TSHZ1: variants seen among roughly 807,000 people sequenced by gnomAD.
The protein encoded by TSHZ1 is teashirt homolog 1.
Under a neutral mutation model 67.1 loss-of-function variants are expected in TSHZ1, and 12 were observed. The observed-to-expected ratio is 0.18, with a 90% CI of 0.11 to 0.29. The LOEUF is 0.29. TSHZ1 is among the 10% of genes least tolerant of loss of function. The pLI is 1.00. For synonymous variants in TSHZ1, 632 were observed against 622.4 expected (o/e 1.02, Z -0.23); for missense variants, 1,305 against 1,413.9 (o/e 0.92, Z 1.23).
At chr18:75,225,857 C>T (rs1015824052) in intron 1 of TSHZ1, among the ~76,000 whole-genome samples, 9 of 152,160 alleles carry the variant, frequency 5.9e-5, no homozygotes, top group Admixed American at 4.6e-4. Context: ...TTGCTTAGAA[C>T]GGAGCCAAAA....
rs12104085 is a variant in TSHZ1, at chr18:75,268,013, A to G, written c.41-17435A>G. Among the ~76,000 whole-genome samples, 978 of 152,340 alleles carry G rather than the reference A, an allele frequency of 6.4e-3. 12 individuals are homozygous for G. The highest frequency in any genetic ancestry group is 0.022 in the African/African-American group (935 of 41,566). On this transcript the variant is annotated intron_variant, in intron 1 of 1. Coordinates refer to ENST00000580243, the MANE Select transcript of TSHZ1 (RefSeq NM_001308210.2). ...CTGTCAGTCAAATGCTCAGAAATGC[A>G]GGACATGATACTGGCCGTTTTGGTG... is the stretch of plus-strand genomic sequence containing the variant.
At chr18:75,267,109 A>G (rs550431413) in intron 1 of TSHZ1, among the ~76,000 whole-genome samples, 4 of 152,328 alleles carry the variant, frequency 2.6e-5, no homozygotes, top group Non-Finnish European at 4.4e-5. Flanking sequence ...CACAAATTGC[A>G]TGGCTCTATT....
chr18:75,276,280 A>G (rs1285516165), intron 1 of TSHZ1, among the ~76,000 whole-genome samples: 1 of 39,344 alleles, frequency 2.5e-5, no homozygotes, highest in Non-Finnish European at 4.3e-5. Context: ...ATTCTTAAAA[A>G]TTGTTTCTAT....
chr18:75,222,194 G>A (rs976180618), intron 1 of TSHZ1, among the ~76,000 whole-genome samples: 10 of 150,924 alleles, frequency 6.6e-5, no homozygotes, highest in Admixed American at 1.3e-4. Flanking sequence ...ACCTTGCAGC[G>A]TTTTATTTTT....
chr18:75,261,806 C>T (rs1210156313), intron 1 of TSHZ1, among the ~76,000 whole-genome samples: 2 of 152,156 alleles, frequency 1.3e-5, no homozygotes. Flanking sequence ...AGAGTTTTGA[C>T]GTCGGGGGTG....
Position 75,286,532 on chromosome 18 carries a change from C to T in TSHZ1, c.1125C>T (p.Ala375=). 1 of 1,614,186 alleles carries T rather than the reference C, an allele frequency of 6.2e-7. No homozygotes were observed. The highest frequency in any genetic ancestry group is 8.5e-7 in the Non-Finnish European group (1 of 1,180,036). ...PEPAGMAAEV[A]LSESAKDQKA... ...CAGCAGGAATGGCCGCAGAGGTGGCCCTGAGTGAGTCAGCCAAGGATCAGA... is the reference window on the plus strand; with the variant it reads ...CAGCAGGAATGGCCGCAGAGGTGGCTCTGAGTGAGTCAGCCAAGGATCAGA... Residue 375 remains alanine, a synonymous_variant, in exon 2 of 2, where the codon GCC becomes GCT. Transcript: ENST00000580243. The surrounding 1 kb of genome is among the most constrained non-coding windows in gnomAD (Gnocchi z 5.1).
intron 1 of TSHZ1, among the ~76,000 whole-genome samples, chr18:75,227,001 C>G (rs2022934978): frequency 6.6e-6 from 1 of 152,190 alleles, no homozygotes; most frequent in African/African-American, 2.4e-5. Flanking sequence ...CCCAGGAACA[C>G]ACAAGCCCCC....
chr18:75,275,665 T>G (rs1287014277), intron 1 of TSHZ1, among the ~76,000 whole-genome samples: 6 of 152,204 alleles, frequency 3.9e-5, no homozygotes, highest in African/African-American at 1.2e-4. Flanking sequence ...ATATTGGGTT[T>G]GTAGACCCGG....
chr18:75,287,924 C>A lies in TSHZ1; in HGVS notation c.2517C>A (p.Asp839Glu). The change falls in exon 2 of 2, where the codon GAC becomes GAA. Residue 839 changes from aspartate to glutamate, a missense_variant. By Grantham distance (45) the Asp-to-Glu change is conservative (BLOSUM62 2). Coordinates refer to ENST00000580243, the MANE Select transcript of TSHZ1 (RefSeq NM_001308210.2). This position sits in a 1 kb window ranked among gnomAD's most constrained non-coding sequence, Gnocchi z 5.0. ...CTCTGCGGGAGAGCGCACTCATGGACATCTCCGACATGGTGAAAAACCTCA... is the reference window on the plus strand; with the variant it reads ...CTCTGCGGGAGAGCGCACTCATGGAAATCTCCGACATGGTGAAAAACCTCA... ...ASPLRESALM[D>E]ISDMVKNLTG... 1 of 1,614,240 alleles carries A rather than the reference C, an allele frequency of 6.2e-7. No homozygotes were observed. The highest frequency in any genetic ancestry group is 8.5e-7 in the Non-Finnish European group (1 of 1,180,060).
chr18:75,254,258 A>C (rs1021720525), intron 1 of TSHZ1, among the ~76,000 whole-genome samples: 2 of 152,202 alleles, frequency 1.3e-5, no homozygotes, highest in Non-Finnish European at 2.9e-5. Flanking sequence ...CTTCTCTGTT[A>C]AAAGGGAATA....
intron 1 of TSHZ1, among the ~76,000 whole-genome samples, chr18:75,232,212 CT>C (rs1035203341): frequency 6.6e-6 from 1 of 152,194 alleles, no homozygotes; most frequent in African/African-American, 2.4e-5. Context: ...TGCGCCCGGA[CT>C]TTTTTTTAGT....
intron 1 of TSHZ1, among the ~76,000 whole-genome samples, chr18:75,234,708 G>A (rs1355168953): frequency 1.3e-5 from 2 of 152,038 alleles, no homozygotes; most frequent in South Asian, 4.2e-4. Flanking sequence ...TGAGGTTGTG[G>A]ATATTTCTAT....
At chr18:75,273,440 C>T (rs1466265648) in intron 1 of TSHZ1, among the ~76,000 whole-genome samples, 1 of 152,144 alleles carries the variant, frequency 6.6e-6, no homozygotes, top group Non-Finnish European at 1.5e-5. Flanking sequence ...CTCACCCATC[C>T]CTAAAAATGA....
At chr18:75,285,332 TGTGTCCTGGGGGC>T in intron 1 of TSHZ1, 103 bp from the exon 2 acceptor site, 1 of 1,291,962 alleles carries the variant, frequency 7.7e-7, no homozygotes, top group Non-Finnish European at 1.0e-6. Flanking sequence ...GGGGTAGCCT[TGTGTCCTGGGGGC>T]TAGGCTGACA....
At chr18:75,214,492 A>C (rs1042344918) in intron 1 of TSHZ1, among the ~76,000 whole-genome samples, 3 of 152,362 alleles carry the variant, frequency 2.0e-5, no homozygotes, top group African/African-American at 7.2e-5. Context: ...GCGATTTTCC[A>C]AAGTGTTTTT....
chr18:75,265,346 C>T lies in TSHZ1; in HGVS notation c.41-20102C>T, dbSNP rs369358451. ...CTACTGTCATATTTGATTTGGGCTG[C>T]GTCCTGATGGTTGTTTGAAGCTAAC... On this transcript the variant is annotated intron_variant, in intron 1 of 1. Transcript: ENST00000580243. Among the ~76,000 whole-genome samples the T allele has an allele frequency of 1.6e-4, 25 of 152,246 alleles. No homozygotes were observed. The East Asian group carries it at 4.1e-3, about 25-fold the overall frequency.
intron 1 of TSHZ1, among the ~76,000 whole-genome samples, chr18:75,253,243 C>T (rs1023072999): frequency 6.6e-6 from 1 of 152,092 alleles, no homozygotes; most frequent in African/African-American, 2.4e-5. Flanking sequence ...TTCTGATTAG[C>T]TGTTTGTATT....
intron 1 of TSHZ1, among the ~76,000 whole-genome samples, chr18:75,218,502 A>T (rs891417937): frequency 1.3e-5 from 2 of 152,192 alleles, no homozygotes; most frequent in Non-Finnish European, 2.9e-5. Flanking sequence ...CTAAGGGTGG[A>T]TATATGTTCC....
intron 1 of TSHZ1, among the ~76,000 whole-genome samples, chr18:75,224,709 T>C (rs747914029): frequency 1.3e-5 from 2 of 152,176 alleles, no homozygotes; most frequent in Non-Finnish European, 1.5e-5. Flanking sequence ...TTCAGAAGGT[T>C]GACTTTGAAT....
Sources: allele counts gnomAD v4.1 joint callset (sites outside exome capture counted in the v4.1 genomes callset), GRCh38; gene constraint gnomAD v4.1.1; non-coding constraint Gnocchi (gnomAD v3.1); transcripts MANE v1.5; gene names NCBI Gene and HGNC (gene_info 2026-07-23, HGNC 2026-07-21).